PABPC4: variants seen among roughly 807,000 people sequenced by gnomAD.
PABPC4 encodes the protein poly(A) binding protein cytoplasmic 4.
Under a neutral mutation model 74.5 loss-of-function variants are expected in PABPC4, and 15 were observed. The ratio of observed to expected loss-of-function variants is 0.20; its 90% CI spans 0.13 to 0.31. PABPC4 has a LOEUF of 0.31. Among genes scored for constraint, PABPC4 ranks in the 10% least tolerant of loss-of-function variants. The probability of loss-of-function intolerance (pLI) is 1.00; values close to 1 mark genes in which losing one functional copy is unlikely to be tolerated. For missense variants in PABPC4, 610 were observed against 853.5 expected (o/e 0.71, Z 3.55); for synonymous variants, 345 against 303.0 (o/e 1.14, Z -1.44).
At position 39,576,350 on chromosome 1, in the gene PABPC4, A is replaced by G; in HGVS notation, c.-399T>C. On this transcript the variant is annotated 5_prime_UTR_variant, in exon 1 of 16. Transcript: ENST00000372858. ...GCCTCGGGGACACGCGTTTCTCTAT[A>G]AATATAGGCCTCGGGCTCCGGCGGT... 6.3e-6 allele frequency: 1 copy of G among 159,692 alleles called. No homozygotes were observed. Among genetic ancestry groups the G allele is most frequent in the South Asian group, 2.0e-4 (1 of 5,028 alleles). 9.9% of individuals were successfully genotyped at this position (159,692 alleles called of 1,614,324 possible).
chr1:39,571,748 C>A, intron 2 of PABPC4: 1 of 383,054 alleles, frequency 2.6e-6, no homozygotes, highest in South Asian at 1.9e-5. Flanking sequence ...TGGCACGTGC[C>A]TGTAGTTCCA....
Position 39,576,595 on chromosome 1 carries a change from G to A in PABPC4, c.-644C>T, listed in dbSNP as rs1394036886. 4 of 149,738 alleles carry A rather than the reference G, an allele frequency of 2.7e-5. No homozygotes were observed. In the East Asian group the frequency reaches 7.7e-4, roughly 29 times the overall value. The allele number at this position is 149,738 out of a possible 1,614,324, so 9.3% of individuals were successfully genotyped here. ...AGACCGACGGACGCCAAGCGCTGCGGCGGCGGGCGCGGGGCAGGCCGGAAG... is the reference window on the plus strand; with the variant it reads ...AGACCGACGGACGCCAAGCGCTGCGACGGCGGGCGCGGGGCAGGCCGGAAG... On this transcript the variant is annotated 5_prime_UTR_variant, in exon 1 of 16. Coordinates refer to ENST00000372858, the MANE Select transcript of PABPC4 (RefSeq NM_001135653.2).
chr1:39,568,260 A>AAG (rs1645882715), intron 6 of PABPC4: 4 of 108,028 alleles, frequency 3.7e-5, no homozygotes, highest in Admixed American at 9.7e-5. Flanking sequence ...GTCTCAAGAA[A>AAG]AAAAAAAAAA....
chr1:39,575,897 G>C lies in PABPC4; in HGVS notation c.55C>G (p.His19Asp). ...PMASLYVGDL[H>D]SDVTEAMLYE... ...AGCATGGCCTCGGTGACGTCCGAAT[G>C]CAGGTCGCCCACGTACAGGGAGGCC... The change falls in exon 1 of 16, where the codon CAT (histidine) becomes GAT (aspartate). Residue 19 changes from histidine (H) to aspartate (D), a missense_variant. Around this residue, in one of 4 missense-constraint regions of PABPC4, gnomAD observed 304 missense variants for 478.9 expected, o/e 0.63. Transcript: ENST00000372858. 1.2e-6 allele frequency: 2 copies of C among 1,611,276 alleles called. No individual in the cohort carries two copies. The highest frequency in any genetic ancestry group is 8.5e-7 in the Non-Finnish European group (1 of 1,179,060).
Position 39,569,575 on chromosome 1 carries a change from A to G in PABPC4, c.738+20T>C, listed in dbSNP as rs370579276. The G allele has an allele frequency of 7.5e-6, 12 of 1,596,210 alleles. No homozygotes were observed. Among genetic ancestry groups the G allele is most frequent in the Non-Finnish European group, 1.0e-5 (12 of 1,163,994 alleles). On this transcript the variant is annotated intron_variant, in intron 5 of 15. Transcript: ENST00000372858. ...GGGCAACCTCTTAAAAGCTTTTCCC[A>G]ATCTTTGTGGTATACTCACCTTATT...
Position 39,564,535 on chromosome 1 carries a change from T to C in PABPC4, c.1341A>G (p.Gln447=). 1.2e-6 allele frequency: 2 copies of C among 1,614,112 alleles called. No individual in the cohort carries two copies. Among genetic ancestry groups the C allele is most frequent in the Non-Finnish European group, 1.7e-6 (2 of 1,179,982 alleles). ...ACTGGCGTATAGCACTTGGCATTCCTTGGAAGCCTGGTGAAGAGAAAAATT... is the reference window on the plus strand; with the variant it reads ...ACTGGCGTATAGCACTTGGCATTCCCTGGAAGCCTGGTGAAGAGAAAAATT... ...WQQGGRPQGF[Q]GMPSAIRQSG... The change falls in exon 10 of 16, where the codon CAA becomes CAG. Residue 447 remains glutamine (Q), a synonymous_variant. Transcript: ENST00000372858.
chr1:39,564,849 C>A, intron 8 of PABPC4, 76 bp from the exon 9 acceptor site: 2 of 1,151,954 alleles, frequency 1.7e-6, no homozygotes, highest in South Asian at 1.3e-5. Context: ...TCTCATCTCA[C>A]TAACCAGGAC....
chr1:39,564,365 C>A, intron 10 of PABPC4, 58 bp downstream of exon 10: 1 of 1,593,092 alleles, frequency 6.3e-7, no homozygotes. Context: ...CAGGACAGAG[C>A]CTAGTCATCC....
intron 12 of PABPC4, 117 bp downstream of exon 12, chr1:39,563,497 G>T: frequency 7.8e-7 from 1 of 1,285,874 alleles, no homozygotes. Context: ...TCAGAACATA[G>T]CGTCATAACA....
chr1:39,561,764 T>C lies in PABPC4; in HGVS notation c.1917A>G (p.Leu639=), dbSNP rs778094980. ...RSKVDEAVAV[L]QAHHAKKEAA... is the part of the protein sequence containing the mutation. ...CTTCTTTCTTGGCATGATGAGCCTG[T>C]AGAACTGCTACAGCTTCATCCACCT... is the stretch of plus-strand genomic sequence containing the variant. The change falls in exon 15 of 16, where the codon CTA becomes CTG. Residue 639 remains leucine (L), a synonymous_variant. Transcript: ENST00000372858. 2.5e-6 allele frequency: 4 copies of C among 1,614,050 alleles called. No individual in the cohort carries two copies. The highest frequency in any genetic ancestry group is 4.5e-5 in the East Asian group (2 of 44,886).
At position 39,567,811 on chromosome 1, in the gene PABPC4, A is replaced by G. The variant is rs1645872015; in HGVS notation, c.912T>C (p.Thr304=). 6.3e-7 allele frequency: 1 copy of G among 1,599,294 alleles called. No individual in the cohort carries two copies. Among genetic ancestry groups the G allele is most frequent in the Non-Finnish European group, 8.6e-7 (1 of 1,166,534 alleles). Residue 304 remains threonine (T), a synonymous_variant, in exon 7 of 16, where the codon ACT becomes ACC. Transcript: ENST00000372858. ...VNLYIKNLDD[T]IDDEKLRKEF... is the part of the protein sequence containing the mutation. Reference sequence around the variant, plus strand: ...CTTTCCTTAATTTCTCATCATCAATAGTGTCATCCAAGTTCTTAATGTAGA... The same window carrying G: ...CTTTCCTTAATTTCTCATCATCAATGGTGTCATCCAAGTTCTTAATGTAGA...
rs750574605 is a variant in PABPC4 at position 39,569,702 on chromosome 1, G to A, written c.644-13C>T. The A allele has an allele frequency of 3.1e-6, 5 of 1,605,224 alleles. No individual in the cohort carries two copies. Among genetic ancestry groups the A allele is most frequent in the Non-Finnish European group, 4.3e-6 (5 of 1,172,064 alleles). The stretch of plus-strand genomic sequence containing the variant: ...CTTAGGGTCTTACCTATTACCAAAG[G>A]ACAGAACTATTAGTAACACCATCTT... On this transcript the variant is annotated splice_polypyrimidine_tract_variant and intron_variant, in intron 4 of 15. Transcript: ENST00000372858.
intron 2 of PABPC4, chr1:39,571,682 C>T (rs41264487): frequency 8.5e-5 from 41 of 483,302 alleles, no homozygotes; most frequent in Admixed American, 2.2e-4. Context: ...GGAGCCAGAT[C>T]GTTGGACAAT....
chr1:39,563,665 G>A lies in PABPC4; in HGVS notation c.1617C>T (p.Tyr539=), dbSNP rs561470767. ...AAAAPRAVAP[Y]KYASSVRSPH... ...GGCTGCGGACACTGGAGGCGTATTTGTAGGGGGCAACAGCCCGGGGAGCAG... is the reference window on the plus strand; with the variant it reads ...GGCTGCGGACACTGGAGGCGTATTTATAGGGGGCAACAGCCCGGGGAGCAG... Residue 539 remains tyrosine, a synonymous_variant, in exon 12 of 16, where the codon TAC becomes TAT. Transcript: ENST00000372858. 12 of 1,614,254 alleles carry A rather than the reference G, an allele frequency of 7.4e-6. No individual in the cohort carries two copies. In the Admixed American group the frequency reaches 1.5e-4, roughly 20 times the overall value.
rs1429103397 is a variant in PABPC4, at chr1:39,576,733, T to TC, written c.-783dup. 1.1e-4 allele frequency: 16 copies of TC among 149,934 alleles called. No homozygotes were observed. Among genetic ancestry groups the TC allele is most frequent in the East Asian group, 3.9e-4 (2 of 5,148 alleles). The allele number at this position is 149,934 out of a possible 1,614,324, so 9.3% of individuals were successfully genotyped here. ...TTTTTTTTATCTTTTTCTCTTTTTT[T>TC]CCTCAGGCTGCGAAGCCCGAAAGCG... On this transcript the variant is annotated 5_prime_UTR_variant, in exon 1 of 16. Coordinates refer to ENST00000372858, the MANE Select transcript of PABPC4 (RefSeq NM_001135653.2).
In PABPC4 at chr1:39,565,323, G is replaced by A. The variant is rs1007890782; in HGVS notation, c.1028C>T (p.Pro343Leu). The A allele has an allele frequency of 4.3e-6, 7 of 1,613,852 alleles. No homozygotes were observed. The highest frequency in any genetic ancestry group is 5.9e-6 in the Non-Finnish European group (7 of 1,179,960). ...KGFGFVCFSS[P>L]EEATKAVTEM... Reference sequence around the variant, plus strand: ...AGTGACTGCTTTGGTTGCTTCTTCAGGAGATGAGAAGCAGACGAAGCCAAA... The same window carrying A: ...AGTGACTGCTTTGGTTGCTTCTTCAAGAGATGAGAAGCAGACGAAGCCAAA... The change falls in exon 8 of 16, where the codon CCT becomes CTT. Residue 343 changes from proline (P) to leucine (L), a missense_variant. By Grantham distance (98) the Pro-to-Leu change is moderately conservative. This residue lies in a region of PABPC4 where 304 missense variants were observed against 478.9 expected (regional missense o/e 0.63). Coordinates refer to ENST00000372858, the MANE Select transcript of PABPC4 (RefSeq NM_001135653.2).
At chr1:39,561,628 G>C (rs560262636) in intron 15 of PABPC4, 57 bp downstream of exon 15, 3 of 1,231,322 alleles carry the variant, frequency 2.4e-6, no homozygotes, top group Admixed American at 1.7e-5. Flanking sequence ...AAACCACAAA[G>C]ACAATGCTCA....
rs964510959 is a variant in PABPC4 at position 39,576,569 on chromosome 1, G to C, written c.-618C>G. ...CGGCTCACCCCCGGACCGACGGACG[G>C]AGACCGACGGACGCCAAGCGCTGCG... On this transcript the variant is annotated 5_prime_UTR_variant, in exon 1 of 16. Transcript: ENST00000372858. The C allele has an allele frequency of 6.7e-6, 1 of 149,764 alleles. No individual in the cohort carries two copies. The highest frequency in any genetic ancestry group is 2.4e-5 in the African/African-American group (1 of 41,076). The allele number at this position is 149,764 out of a possible 1,614,324, so 9.3% of individuals were successfully genotyped here.
In PABPC4 at chr1:39,575,740, G is replaced by T. The variant is rs1454815182; in HGVS notation, c.193+19C>A. The T allele has an allele frequency of 6.4e-7, 1 of 1,556,264 alleles. No homozygotes were observed. Among genetic ancestry groups the T allele is most frequent in the East Asian group, 2.5e-5 (1 of 40,660 alleles). ...GTCCTCCGGGCTCCCACGCACGTGT[G>T]GGCACAGCTTCTACTCACCGTCGGC... On this transcript the variant is annotated intron_variant, in intron 1 of 15. Transcript: ENST00000372858.
Sources: allele counts gnomAD v4.1 joint callset, GRCh38; gene constraint gnomAD v4.1.1; regional missense constraint gnomAD v4.1.1; transcripts MANE v1.5; gene names NCBI Gene and HGNC (gene_info 2026-07-23, HGNC 2026-07-21).